DIS3L2: variants seen among roughly 807,000 people sequenced by gnomAD.
DIS3L2 encodes the protein DIS3 like 3'-5' exoribonuclease 2, also known as DIS3-like exonuclease 2.
A neutral mutation model predicts 97.5 loss-of-function variants in DIS3L2; 34 were observed. The observed-to-expected ratio is 0.35, with a 90% CI of 0.27 to 0.46. DIS3L2 has a LOEUF of 0.46. Among genes scored for constraint, DIS3L2 ranks in the 20% least tolerant of loss-of-function variants. DIS3L2 has a pLI of 1.00. For missense variants in DIS3L2, 1,038 were observed against 1,146.0 expected (o/e 0.91, Z 1.36); for synonymous variants, 435 against 445.2 (o/e 0.98, Z 0.29).
intron 1 of DIS3L2, among the ~76,000 whole-genome samples, chr2:232,011,357 CT>C (rs922510920): frequency 9.7e-4 from 139 of 143,954 alleles, no homozygotes; most frequent in Middle Eastern, 3.6e-3. Context: ...CATTTTCTTT[CT>C]TTTTTTTTTT....
At chr2:232,005,514 C>G (rs1183181308) in intron 1 of DIS3L2, among the ~76,000 whole-genome samples, 4 of 152,104 alleles carry the variant, frequency 2.6e-5, no homozygotes, top group African/African-American at 9.7e-5. Context: ...TGCATTGCAC[C>G]AACCCTGTGA....
intron 10 of DIS3L2, among the ~76,000 whole-genome samples, chr2:232,229,292 A>T (rs1190545996): frequency 6.6e-6 from 1 of 152,180 alleles, no homozygotes; most frequent in African/African-American, 2.4e-5. Context: ...TTCCACAGCC[A>T]GTCCTGCTCC....
chr2:232,035,639 C>T (rs1385203373), intron 5 of DIS3L2, among the ~76,000 whole-genome samples: 1 of 152,048 alleles, frequency 6.6e-6, no homozygotes, highest in African/African-American at 2.4e-5. Context: ...TGGCTGGTAC[C>T]AGTTTTTCCT....
chr2:232,083,167 C>A (rs978144065), intron 5 of DIS3L2, among the ~76,000 whole-genome samples: 9 of 151,972 alleles, frequency 5.9e-5, no homozygotes, highest in African/African-American at 2.2e-4. Context: ...GGGGCACAGC[C>A]AAACCATGTC....
At chr2:232,329,785 T>TTCCGGGGGGGGG in intron 14 of DIS3L2, 28 bp from the exon 15 acceptor site, 1 of 967,144 alleles carries the variant, frequency 1.0e-6, no homozygotes. Context: ...ACCCCAGCGG[T>TTCCGGGGGGGGG]CCCTCCCATC....
chr2:232,334,548 T>C (rs1398825492), intron 18 of DIS3L2, 49 bp downstream of exon 18: 1 of 1,608,668 alleles, frequency 6.2e-7, no homozygotes, highest in Non-Finnish European at 8.5e-7. Flanking sequence ...CTCCCGACCC[T>C]CCTGGGCACC....
intron 8 of DIS3L2, among the ~76,000 whole-genome samples, chr2:232,142,855 A>G (rs1690103658): frequency 6.6e-6 from 1 of 152,152 alleles, no homozygotes; most frequent in Non-Finnish European, 1.5e-5. Flanking sequence ...GGCCCTCGGT[A>G]TAGTTGATGT....
intron 10 of DIS3L2, among the ~76,000 whole-genome samples, chr2:232,232,691 G>C (rs1692827110): frequency 6.6e-6 from 1 of 152,188 alleles, no homozygotes; most frequent in Non-Finnish European, 1.5e-5. Flanking sequence ...AGTGTGATGT[G>C]ACCGTGGGAC....
At chr2:232,261,194 G>T (rs902099681) in intron 12 of DIS3L2, among the ~76,000 whole-genome samples, 2 of 152,042 alleles carry the variant, frequency 1.3e-5, no homozygotes, top group African/African-American at 4.8e-5. Flanking sequence ...TCCCTTCAGG[G>T]TCTCCTGCCC....
chr2:232,039,310 A>G (rs1695043899), intron 5 of DIS3L2, among the ~76,000 whole-genome samples: 1 of 152,230 alleles, frequency 6.6e-6, no homozygotes, highest in African/African-American at 2.4e-5. Flanking sequence ...ATCTCCAAAC[A>G]TACTGGCCAA....
At chr2:232,334,569 G>A in intron 18 of DIS3L2, 62 bp from the exon 19 acceptor site, 1 of 1,602,920 alleles carries the variant, frequency 6.2e-7, no homozygotes, top group African/African-American at 1.3e-5. Context: ...TGCTCACCAG[G>A]AGGCCTCGAG....
intron 5 of DIS3L2, among the ~76,000 whole-genome samples, chr2:232,051,292 T>C (rs1350980706): frequency 6.6e-6 from 1 of 152,228 alleles, no homozygotes; most frequent in Non-Finnish European, 1.5e-5. Flanking sequence ...GTAGGTACTT[T>C]TAAAACGTGA....
chr2:232,021,604 A>G (rs539823743), intron 3 of DIS3L2, among the ~76,000 whole-genome samples: 3 of 152,166 alleles, frequency 2.0e-5, no homozygotes, highest in East Asian at 3.9e-4. Context: ...AAAAATATAT[A>G]TAGTAGTGAG....
intron 1 of DIS3L2, among the ~76,000 whole-genome samples, chr2:231,983,309 G>A (rs1184949731): frequency 1.3e-5 from 2 of 152,128 alleles, no homozygotes; most frequent in Non-Finnish European, 2.9e-5. Context: ...CAAGGTGTTG[G>A]CAGGGCTGGT....
chr2:232,201,841 G>A (rs1691901892), intron 9 of DIS3L2, among the ~76,000 whole-genome samples: 1 of 152,076 alleles, frequency 6.6e-6, no homozygotes, highest in Non-Finnish European at 1.5e-5. Flanking sequence ...AGGGAGGGAT[G>A]GAAGGAGGAA....
chr2:232,306,040 T>C (rs968551165), intron 14 of DIS3L2, among the ~76,000 whole-genome samples: 6 of 152,190 alleles, frequency 3.9e-5, no homozygotes, highest in African/African-American at 9.7e-5. Context: ...TGTTATCTTA[T>C]CACTTTTGCA....
chr2:232,253,205 G>A (rs115929519), intron 12 of DIS3L2, among the ~76,000 whole-genome samples: 3,181 of 152,308 alleles, frequency 0.021, 104 homozygotes, highest in African/African-American at 0.072. Context: ...TCTGTCCAGA[G>A]CATTCGGTTG....
At chr2:232,167,588 C>T (rs77414791) in intron 9 of DIS3L2, among the ~76,000 whole-genome samples, 1 of 152,194 alleles carries the variant, frequency 6.6e-6, no homozygotes, top group Non-Finnish European at 1.5e-5. Flanking sequence ...ACTCATTTCT[C>T]AGTCCTATTC....
chr2:232,080,777 T>TG (rs1249876916), intron 5 of DIS3L2, among the ~76,000 whole-genome samples: 1 of 151,886 alleles, frequency 6.6e-6, no homozygotes, highest in Non-Finnish European at 1.5e-5. Context: ...GGCGTGTGCC[T>TG]GTAGTCCCAA....
Sources: allele counts gnomAD v4.1 joint callset (sites outside exome capture counted in the v4.1 genomes callset), GRCh38; gene constraint gnomAD v4.1.1; transcripts MANE v1.5; gene names NCBI Gene and HGNC (gene_info 2026-07-23, HGNC 2026-07-21).